Variants in CHLSN observed in about 807,000 individuals in gnomAD.
The protein encoded by CHLSN is cholesin, also known as protein cholesin.
chr7:1,007,011 C>T, the CHLSN span, among the ~76,000 whole-genome samples: 7 of 152,172 alleles, frequency 4.6e-5, no homozygotes, highest in African/African-American at 1.4e-4. Flanking sequence ...GCCTGCGACC[C>T]GGGTTCTAGG....
At chr7:979,340 C>CA in the CHLSN span, among the ~76,000 whole-genome samples, 125 of 152,186 alleles carry the variant, frequency 8.2e-4, no homozygotes, top group African/African-American at 2.9e-3. Flanking sequence ...ATGCGATCGT[C>CA]AAAGTTTCGG....
chr7:1,133,678 C>T, the CHLSN span, among the ~76,000 whole-genome samples: 2 of 144,994 alleles, frequency 1.4e-5, no homozygotes, highest in Non-Finnish European at 3.0e-5. Flanking sequence ...GGCGCGAACA[C>T]GGGAGGCGGA....
the CHLSN span, among the ~76,000 whole-genome samples, chr7:1,017,695 C>T: frequency 2.6e-5 from 4 of 152,230 alleles, no homozygotes; most frequent in South Asian, 2.1e-4. Context: ...CACCCCAACA[C>T]GTGAACTGAC....
the CHLSN span, among the ~76,000 whole-genome samples, chr7:1,063,958 G>C: frequency 2.0e-5 from 3 of 152,184 alleles, no homozygotes; most frequent in Admixed American, 6.5e-5. Context: ...AGACCCCTCA[G>C]AAACAGCCTG....
chr7:1,112,034 A>T, the CHLSN span, among the ~76,000 whole-genome samples: 1 of 152,340 alleles, frequency 6.6e-6, no homozygotes, highest in African/African-American at 2.4e-5. Context: ...ACTCAGGAAA[A>T]ATAATACACA....
At chr7:1,073,659 C>A in the CHLSN span, among the ~76,000 whole-genome samples, 2 of 150,846 alleles carry the variant, frequency 1.3e-5, no homozygotes, top group African/African-American at 4.9e-5. Context: ...TGCCCCCTGA[C>A]TCCGCACCCC....
the CHLSN span, among the ~76,000 whole-genome samples, chr7:1,098,021 A>G: frequency 6.6e-6 from 1 of 152,212 alleles, no homozygotes; most frequent in South Asian, 2.1e-4. Context: ...GAAGGAAAAG[A>G]GCGTCGTGAA....
At chr7:1,115,308 C>T in the CHLSN span, among the ~76,000 whole-genome samples, 2 of 152,248 alleles carry the variant, frequency 1.3e-5, no homozygotes, top group Non-Finnish European at 2.9e-5. Flanking sequence ...CCCGGCCCTG[C>T]CACTGCCCAC....
chr7:1,035,278 G>A, the CHLSN span, among the ~76,000 whole-genome samples: 1 of 152,178 alleles, frequency 6.6e-6, no homozygotes, highest in African/African-American at 2.4e-5. Flanking sequence ...GAACAGTGCT[G>A]GGCTGGTGTC....
chr7:1,085,305 C>T, the CHLSN span, among the ~76,000 whole-genome samples: 2 of 152,174 alleles, frequency 1.3e-5, no homozygotes, highest in African/African-American at 4.8e-5. Flanking sequence ...GACATCAGAT[C>T]CAACAAGGAA....
the CHLSN span, among the ~76,000 whole-genome samples, chr7:1,115,133 T>G: frequency 2.6e-5 from 4 of 152,228 alleles, no homozygotes; most frequent in African/African-American, 4.8e-5. Context: ...TCTCATCTTT[T>G]GAGATAAATA....
chr7:1,055,146 G>T, the CHLSN span: 2 of 433,898 alleles, frequency 4.6e-6, no homozygotes, highest in African/African-American at 4.1e-5. Context: ...CAAGAGGCCA[G>T]CTGTGCTCAG....
the CHLSN span, chr7:1,092,979 G>GA: frequency 2.1e-6 from 2 of 938,414 alleles, no homozygotes; most frequent in Non-Finnish European, 3.4e-6. Context: ...TGGCTCCTCG[G>GA]GGCCTCGCGA....
At chr7:1,035,908 T>A in the CHLSN span, among the ~76,000 whole-genome samples, 1 of 152,224 alleles carries the variant, frequency 6.6e-6, no homozygotes, top group Non-Finnish European at 1.5e-5. Context: ...AGTAGGGGAC[T>A]GGATAACTGT....
chr7:1,087,638 A>G, the CHLSN span, among the ~76,000 whole-genome samples: 3 of 152,222 alleles, frequency 2.0e-5, no homozygotes, highest in Non-Finnish European at 4.4e-5. Context: ...CAGATGCTTA[A>G]CCAGTACTCA....
chr7:981,447 AACTT>A, the CHLSN span, among the ~76,000 whole-genome samples: 1 of 151,970 alleles, frequency 6.6e-6, no homozygotes, highest in African/African-American at 2.4e-5. Context: ...CTCTAAAAGA[AACTT>A]ACAAAATTCC....
the CHLSN span, among the ~76,000 whole-genome samples, chr7:1,027,553 G>C: frequency 6.6e-6 from 1 of 152,264 alleles, no homozygotes; most frequent in Non-Finnish European, 1.5e-5. Flanking sequence ...ACGCAGCAGC[G>C]GCAGAGCCTC....
the CHLSN span, chr7:1,021,396 A>T: frequency 1.0e-6 from 1 of 985,354 alleles, no homozygotes; most frequent in African/African-American, 1.7e-5. Context: ...TCAGTGACTG[A>T]ACCAGAGTCG....
the CHLSN span, chr7:1,058,569 G>C: frequency 2.8e-6 from 2 of 726,144 alleles, no homozygotes; most frequent in Non-Finnish European, 5.1e-6. Context: ...AGAGCACTTA[G>C]TTACCCTGGA....
Sources: allele counts gnomAD v4.1 joint callset (sites outside exome capture counted in the v4.1 genomes callset), GRCh38; gene constraint gnomAD v4.1.1; transcripts MANE v1.5; gene names NCBI Gene and HGNC (gene_info 2026-07-23, HGNC 2026-07-21).